Variants in ASTN2 observed in about 807,000 individuals in gnomAD.
The protein encoded by ASTN2 is astrotactin 2.
In ASTN2, 54 loss-of-function variants were observed where a neutral mutation model predicts 139.8. The observed-to-expected ratio is 0.39, with a 90% CI of 0.31 to 0.48. The LOEUF (loss-of-function observed/expected upper bound fraction) is 0.48. Among genes scored for constraint, ASTN2 ranks in the 20% least tolerant of loss-of-function variants. The probability of loss-of-function intolerance (pLI) is 0.95; values close to 1 mark genes in which losing one functional copy is unlikely to be tolerated. For missense variants in ASTN2, 1,565 were observed against 1,725.1 expected (o/e 0.91, Z 1.64); for synonymous variants, 756 against 719.5 (o/e 1.05, Z -0.81).
rs116437020 is a variant in ASTN2, at chr9:116,735,450, C to T, written c.2397-1927G>A. ...AGGTGGCCTCTGGTGATAGATTTTT[C>T]CCTGAAAGATGTAGCAGGATGGAGG... On this transcript the variant is annotated intron_variant, in intron 13 of 22. Transcript: ENST00000313400. 1.3e-3 allele frequency among the ~76,000 whole-genome samples: 201 copies of T among 152,278 alleles called. 1 individual carries two copies. The highest frequency in any genetic ancestry group is 4.4e-3 in the African/African-American group (184 of 41,564).
At chr9:116,832,271 A>G (rs1292576219) in intron 11 of ASTN2, among the ~76,000 whole-genome samples, 2 of 152,162 alleles carry the variant, frequency 1.3e-5, no homozygotes, top group Non-Finnish European at 2.9e-5. Context: ...ATGTAAAAAA[A>G]TCATGTGATC....
intron 19 of ASTN2, among the ~76,000 whole-genome samples, chr9:116,615,840 G>A (rs999256969): frequency 5.3e-5 from 8 of 151,854 alleles, no homozygotes; most frequent in South Asian, 4.2e-4. Flanking sequence ...AAACCTGCAC[G>A]TTGTACACAT....
chr9:117,362,410 C>T (rs1226843616), intron 1 of ASTN2, among the ~76,000 whole-genome samples: 3 of 152,146 alleles, frequency 2.0e-5, no homozygotes, highest in Non-Finnish European at 4.4e-5. Flanking sequence ...ATCTTGCCTG[C>T]AGCTTTCAGT....
Position 117,008,157 on chromosome 9 carries a change from C to A in ASTN2, c.1526G>T (p.Trp509Leu). ...LYYQINATSPWVRDLCGQRTT... is the reference protein window; with the variant it reads ...LYYQINATSPLVRDLCGQRTT... ...CCTTTGTCCACAGAGGTCCCTCACC[C>A]ATGGGGAGGTGGCATTGATCTGGTA... The change falls in exon 7 of 23, where the codon TGG becomes TTG. Residue 509 changes from tryptophan (W) to leucine (L), a missense_variant. Around this residue, in one of 4 missense-constraint regions of ASTN2, gnomAD observed 503 missense variants for 591.7 expected, o/e 0.85. Transcript: ENST00000313400. 1 of 1,611,194 alleles carries A rather than the reference C, an allele frequency of 6.2e-7. No homozygotes were observed. The highest frequency in any genetic ancestry group is 8.5e-7 in the Non-Finnish European group (1 of 1,178,664).
chr9:117,075,188 G>T (rs1486065254), intron 5 of ASTN2, among the ~76,000 whole-genome samples: 1 of 152,162 alleles, frequency 6.6e-6, no homozygotes, highest in East Asian at 1.9e-4. Context: ...GGCAAGAAGG[G>T]GTGGACATGG....
At position 116,950,648 on chromosome 9, in the gene ASTN2, C is replaced by A. The variant is rs532672786; in HGVS notation, c.1889+24560G>T. Among the ~76,000 whole-genome samples, 24 of 152,260 alleles carry A rather than the reference C, an allele frequency of 1.6e-4. 1 individual carries two copies. The highest frequency in any genetic ancestry group is 1.4e-3 in the Admixed American group (21 of 15,294). ...AGTTTTCCTTTGGCAAGCTTCCCTT[C>A]CACCTTATTCTGGTAGGAACAGGAA... On this transcript the variant is annotated intron_variant, in intron 10 of 22. Transcript: ENST00000313400.
intron 1 of ASTN2, among the ~76,000 whole-genome samples, chr9:117,313,385 A>G (rs905252970): frequency 1.3e-5 from 2 of 152,204 alleles, no homozygotes; most frequent in Non-Finnish European, 2.9e-5. Context: ...ATGGGGCCTC[A>G]GGGTGGTCAG....
chr9:116,445,201 T>C (rs1341234001), intron 20 of ASTN2, among the ~76,000 whole-genome samples: 3 of 152,168 alleles, frequency 2.0e-5, no homozygotes, highest in African/African-American at 7.2e-5. Flanking sequence ...ATACCACCTC[T>C]CATTTCTTTA....
intron 1 of ASTN2, among the ~76,000 whole-genome samples, chr9:117,404,815 A>G (rs1830934388): frequency 6.6e-6 from 1 of 152,104 alleles, no homozygotes; most frequent in African/African-American, 2.4e-5. Context: ...GCATGAGGTG[A>G]CAACTCTCTA....
At chr9:116,549,374 G>A (rs1223276626) in intron 19 of ASTN2, among the ~76,000 whole-genome samples, 7 of 152,170 alleles carry the variant, frequency 4.6e-5, no homozygotes, top group East Asian at 3.8e-4. Flanking sequence ...CGAGCAACTC[G>A]GATAGTACCC....
At chr9:116,910,015 T>C in intron 10 of ASTN2, among the ~76,000 whole-genome samples, 1 of 152,062 alleles carries the variant, frequency 6.6e-6, no homozygotes, top group Non-Finnish European at 1.5e-5. Flanking sequence ...CAGGTAAGTC[T>C]CTGGACCAAA....
At chr9:117,205,927 T>C (rs112695349) in intron 3 of ASTN2, among the ~76,000 whole-genome samples, 3 of 152,310 alleles carry the variant, frequency 2.0e-5, no homozygotes, top group African/African-American at 7.2e-5. Context: ...TGTAAACACA[T>C]CCTGTGCTTA....
intron 16 of ASTN2, among the ~76,000 whole-genome samples, chr9:116,688,902 G>A (rs150342900): frequency 1.1e-3 from 171 of 152,168 alleles, no homozygotes; most frequent in African/African-American, 3.9e-3. Context: ...GAACCCTTAG[G>A]TATTGAGCAT....
At chr9:117,327,716 T>G (rs1205811841) in intron 1 of ASTN2, among the ~76,000 whole-genome samples, 2 of 152,176 alleles carry the variant, frequency 1.3e-5, no homozygotes, top group Non-Finnish European at 2.9e-5. Context: ...AGGGAGGTTG[T>G]GAAGAGCTCC....
In ASTN2 at chr9:116,702,750, G is replaced by GC. The variant is rs200112713; in HGVS notation, c.2806+23020dup. Reference sequence around the variant, plus strand: ...AACAATTGACTTAGAGGTTGGTTAAGCCCCTCCTCCCTTTATCATTCTGAG... The same window carrying GC: ...AACAATTGACTTAGAGGTTGGTTAAGCCCCCTCCTCCCTTTATCATTCTGAG... On this transcript the variant is annotated intron_variant, in intron 16 of 22. Transcript: ENST00000313400. Among the ~76,000 whole-genome samples, 135 of 152,220 alleles carry GC rather than the reference G, an allele frequency of 8.9e-4. 3 individuals are homozygous for GC. The East Asian group carries it at 0.025, about 28-fold the overall frequency.
At chr9:116,543,301 G>A (rs1851954015) in intron 19 of ASTN2, among the ~76,000 whole-genome samples, 1 of 151,824 alleles carries the variant, frequency 6.6e-6, no homozygotes, top group Non-Finnish European at 1.5e-5. Context: ...GCTGGGCATG[G>A]TGGCGTGTGA....
At chr9:117,215,817 G>A (rs1832300209) in intron 2 of ASTN2, among the ~76,000 whole-genome samples, 1 of 152,120 alleles carries the variant, frequency 6.6e-6, no homozygotes, top group Non-Finnish European at 1.5e-5. Context: ...ATGTTTGGGA[G>A]ATTGGAAGAC....
intron 5 of ASTN2, among the ~76,000 whole-genome samples, chr9:117,056,904 T>C (rs1477402221): frequency 2.0e-5 from 3 of 152,216 alleles, no homozygotes; most frequent in Non-Finnish European, 2.9e-5. Context: ...TAGTTGAGAA[T>C]GCTGATACAA....
chr9:116,709,819 T>C (rs1400392947), intron 16 of ASTN2, among the ~76,000 whole-genome samples: 1 of 152,190 alleles, frequency 6.6e-6, no homozygotes, highest in Non-Finnish European at 1.5e-5. Flanking sequence ...TATTGGGCTC[T>C]TGTACAAGGC....
Sources: gnomAD v4.1 joint callset for allele counts (sites outside exome capture counted in the v4.1 genomes callset) on GRCh38, gnomAD v4.1.1 for gene constraint, gnomAD v4.1.1 regional missense constraint, MANE v1.5 for transcripts, NCBI Gene and HGNC (gene_info 2026-07-23, HGNC 2026-07-21) for gene names.